TICAM1: variants seen among roughly 807,000 people sequenced by gnomAD.
The protein encoded by TICAM1 is TIR domain containing adaptor molecule 1, also known as TIR domain-containing adapter molecule 1.
For synonymous variants in TICAM1, 439 were observed against 415.4 expected (o/e 1.06, Z -0.69); for missense variants, 895 against 938.2 (o/e 0.95, Z 0.60).
At position 4,816,341 on chromosome 19, in the gene TICAM1, G is replaced by A; in HGVS notation, c.2037C>T (p.Leu679=). 1 of 1,583,000 alleles carries A rather than the reference G, an allele frequency of 6.3e-7. No individual in the cohort carries two copies. The highest frequency in any genetic ancestry group is 8.6e-7 in the Non-Finnish European group (1 of 1,165,952). Residue 679 remains leucine, a synonymous_variant, in exon 2 of 2, where the codon CTC becomes CTT. Coordinates refer to ENST00000248244, the MANE Select transcript of TICAM1 (RefSeq NM_182919.4). This position sits in a 1 kb window ranked among gnomAD's most constrained non-coding sequence, Gnocchi z 4.3. ...GTACCATCTGTGCGTGGTGGATAAT[G>A]AGGGGTTGCAGCCCTGGGCTCTGAG... ...APPQSPGLQP[L]IIHHAQMVQL... is the part of the protein sequence containing the mutation.
chr19:4,818,046 G>C lies in TICAM1; in HGVS notation c.332C>G (p.Ala111Gly), dbSNP rs771204742. 6.2e-7 allele frequency: 1 copy of C among 1,608,584 alleles called. No individual in the cohort carries two copies. Among genetic ancestry groups the C allele is most frequent in the Non-Finnish European group, 8.5e-7 (1 of 1,179,910 alleles). Residue 111 changes from alanine to glycine, a missense_variant, in exon 2 of 2, where the codon GCC becomes GGC. By Grantham distance (60) the Ala-to-Gly change is moderately conservative. Coordinates refer to ENST00000248244, the MANE Select transcript of TICAM1 (RefSeq NM_182919.4). The surrounding 1 kb of genome is among the most constrained non-coding windows in gnomAD (Gnocchi z 4.0). ...CTGGTAGGCCACGTCCCGCAGCGAG[G>C]CGGGGCACAGCTTCTCCTCAGCCAG... ...HLLAEEKLCP[A>G]SLRDVAYQEA...
At position 4,817,023 on chromosome 19, in the gene TICAM1, A is replaced by T. The variant is rs770034965; in HGVS notation, c.1355T>A (p.Ile452Asn). 1.2e-6 allele frequency: 2 copies of T among 1,614,012 alleles called. No homozygotes were observed. The highest frequency in any genetic ancestry group is 8.5e-7 in the Non-Finnish European group (1 of 1,180,028). The change falls in exon 2 of 2, where the codon ATC becomes AAC. Residue 452 changes from isoleucine to asparagine, a missense_variant. Coordinates refer to ENST00000248244, the MANE Select transcript of TICAM1 (RefSeq NM_182919.4). This position sits in a 1 kb window ranked among gnomAD's most constrained non-coding sequence, Gnocchi z 4.7. ...LQDAIDHSAF[I>N]ILLLTSNFDC... ...GAAGTTGGAGGTGAGAAGTAGGATG[A>T]TGAAAGCTGAGTGGTCTATGGCGTC... is the stretch of plus-strand genomic sequence containing the variant.
intron 1 of TICAM1, among the ~76,000 whole-genome samples, chr19:4,825,012 G>A (rs1285568730): frequency 6.6e-6 from 1 of 152,068 alleles, no homozygotes; most frequent in East Asian, 1.9e-4. Flanking sequence ...GGGAGCGGTG[G>A]CTCACGCCTG....
chr19:4,817,113 G>A lies in TICAM1; in HGVS notation c.1265C>T (p.Pro422Leu), dbSNP rs1287588056. The A allele has an allele frequency of 6.2e-7, 1 of 1,614,000 alleles. No homozygotes were observed. Among genetic ancestry groups the A allele is most frequent in the African/African-American group, 1.3e-5 (1 of 74,930 alleles). Residue 422 changes from proline to leucine, a missense_variant, in exon 2 of 2, where the codon CCC (proline) becomes CTC (leucine). Pro to Leu is a moderately conservative substitution (Grantham distance 98). Coordinates refer to ENST00000248244, the MANE Select transcript of TICAM1 (RefSeq NM_182919.4). This position sits in a 1 kb window ranked among gnomAD's most constrained non-coding sequence, Gnocchi z 4.7. ...VREKLEALGV[P>L]DGATFCEDFQ... The stretch of plus-strand genomic sequence containing the variant: ...ATCCTCGCAGAAGGTGGCCCCGTCG[G>A]GCACGCCAAGGGCCTCCAGCTTCTC...
chr19:4,828,728 G>A (rs1308469180), intron 1 of TICAM1, among the ~76,000 whole-genome samples: 2 of 128,488 alleles, frequency 1.6e-5, no homozygotes, highest in African/African-American at 3.0e-5. Flanking sequence ...TTCTGAGACC[G>A]AATCTCCCTC....
In TICAM1 at chr19:4,817,391, T is replaced by C. The variant is rs758372052; in HGVS notation, c.987A>G (p.Lys329=). The C allele has an allele frequency of 8.7e-6, 14 of 1,613,842 alleles. No individual in the cohort carries two copies. The highest frequency in any genetic ancestry group is 1.3e-5 in the African/African-American group (1 of 74,898). The change falls in exon 2 of 2, where the codon AAA becomes AAG. Residue 329 remains lysine, a synonymous_variant. Coordinates refer to ENST00000248244, the MANE Select transcript of TICAM1 (RefSeq NM_182919.4). The surrounding 1 kb of genome is among the most constrained non-coding windows in gnomAD (Gnocchi z 4.7). ...CAGAAAGTTGGAGTGGCGTCTGGTC[T>C]TTGACAGAGCAGGGGTTTTTGACCG... is the stretch of plus-strand genomic sequence containing the variant. ...LEPVKNPCSV[K]DQTPLQLSVE...
rs143873813 is a variant in TICAM1, at chr19:4,817,093, C to A, written c.1285G>T (p.Glu429Ter). 2 of 1,614,044 alleles carry A rather than the reference C, an allele frequency of 1.2e-6. No homozygotes were observed. The highest frequency in any genetic ancestry group is 2.7e-5 in the African/African-American group (2 of 74,946). ...CCGCGCCCCGGCACCTGGAAATCCTCGCAGAAGGTGGCCCCGTCGGGCACG... is the reference window on the plus strand; with the variant it reads ...CCGCGCCCCGGCACCTGGAAATCCTAGCAGAAGGTGGCCCCGTCGGGCACG... ...LGVPDGATFC[E>*]DFQVPGRGEL... Residue 429 changes from glutamate (E) to a stop codon, truncating the protein, a stop_gained, in exon 2 of 2, where the codon GAG becomes TAG. Transcript: ENST00000248244. LOFTEE classifies it low-confidence loss of function (END_TRUNC). The surrounding 1 kb of genome is among the most constrained non-coding windows in gnomAD (Gnocchi z 4.7).
At chr19:4,827,513 C>T (rs2093607593) in intron 1 of TICAM1, among the ~76,000 whole-genome samples, 1 of 144,896 alleles carries the variant, frequency 6.9e-6, no homozygotes, top group Non-Finnish European at 1.5e-5. Flanking sequence ...CCCAGCAGCA[C>T]TTTGGGAGGC....
At chr19:4,825,626 G>A (rs896395122) in intron 1 of TICAM1, among the ~76,000 whole-genome samples, 7 of 151,806 alleles carry the variant, frequency 4.6e-5, no homozygotes, top group East Asian at 2.0e-4. Flanking sequence ...CCAAGAGTTC[G>A]AGACCAGCCT....
chr19:4,816,229 G>A lies in TICAM1; in HGVS notation c.*10C>T, dbSNP rs1046673. 0.15 allele frequency: 228,286 copies of A among 1,502,008 alleles called. 18,610 individuals are homozygous for A. The highest frequency in any genetic ancestry group is 0.29 in the African/African-American group (20,782 of 71,488). 93.0% of individuals were successfully genotyped at this position (1,502,008 alleles called of 1,614,324 possible). Reference sequence around the variant, plus strand: ...GGGTGTTCCCCAGGTGGTCAGGCAAGGACACGCGGTCATTCTGCCTCCTGC... The same window carrying A: ...GGGTGTTCCCCAGGTGGTCAGGCAAAGACACGCGGTCATTCTGCCTCCTGC... On this transcript the variant is annotated 3_prime_UTR_variant, in exon 2 of 2. Transcript: ENST00000248244. This position sits in a 1 kb window ranked among gnomAD's most constrained non-coding sequence, Gnocchi z 4.3.
chr19:4,817,731 G>A lies in TICAM1; in HGVS notation c.647C>T (p.Pro216Leu), dbSNP rs2093589577. 2 of 1,601,462 alleles carry A rather than the reference G, an allele frequency of 1.2e-6. No homozygotes were observed. The highest frequency in any genetic ancestry group is 4.5e-5 in the East Asian group (2 of 44,826). The change falls in exon 2 of 2, where the codon CCC becomes CTC. Residue 216 changes from proline (P) to leucine (L), a missense_variant. Pro to Leu is a moderately conservative substitution (Grantham distance 98). Coordinates refer to ENST00000248244, the MANE Select transcript of TICAM1 (RefSeq NM_182919.4). This position sits in a 1 kb window ranked among gnomAD's most constrained non-coding sequence, Gnocchi z 4.7. ...NLEISQSPTM[P>L]FLSLHRSPHG... ...TGGGCTGCGGTGCAGGCTGAGGAAG[G>A]GCATGGTAGGGGACTGGCTGATTTC...
chr19:4,822,485 C>T (rs935728011), intron 1 of TICAM1, among the ~76,000 whole-genome samples: 7 of 152,260 alleles, frequency 4.6e-5, no homozygotes, highest in African/African-American at 1.4e-4. Context: ...TTGTGTGATC[C>T]GCCCACCTTG....
In TICAM1 at chr19:4,817,140, C is replaced by T. The variant is rs372838204; in HGVS notation, c.1238G>A (p.Arg413Gln). Residue 413 changes from arginine to glutamine, a missense_variant, in exon 2 of 2, where the codon CGG (arginine) becomes CAG (glutamine). Arg to Gln is a conservative substitution (Grantham distance 43). Coordinates refer to ENST00000248244, the MANE Select transcript of TICAM1 (RefSeq NM_182919.4). The surrounding 1 kb of genome is among the most constrained non-coding windows in gnomAD (Gnocchi z 4.7). Reference protein sequence around the residue: ...RADEHIALRVREKLEALGVPD... With the variant: ...RADEHIALRVQEKLEALGVPD... ...CACGCCAAGGGCCTCCAGCTTCTCC[C>T]GAACCCGCAGGGCGATGTGTTCGTC... 1.2e-5 allele frequency: 20 copies of T among 1,613,956 alleles called. No homozygotes were observed. In the Admixed American group the frequency reaches 2.3e-4, roughly 19 times the overall value.
chr19:4,823,284 G>A (rs1378246212), intron 1 of TICAM1, among the ~76,000 whole-genome samples: 1 of 152,078 alleles, frequency 6.6e-6, no homozygotes, highest in African/African-American at 2.4e-5. Context: ...GGCTAACATG[G>A]CGAAACTCCA....
chr19:4,817,968 T>C lies in TICAM1; in HGVS notation c.410A>G (p.Gln137Arg), dbSNP rs751804319. 7 of 1,613,478 alleles carry C rather than the reference T, an allele frequency of 4.3e-6. No homozygotes were observed. The highest frequency in any genetic ancestry group is 5.1e-6 in the Non-Finnish European group (6 of 1,179,890). Residue 137 changes from glutamine (Q) to arginine (R), a missense_variant, in exon 2 of 2, where the codon CAG (glutamine) becomes CGG (arginine). Physicochemically the swap from Gln to Arg is conservative, Grantham distance 43. Coordinates refer to ENST00000248244, the MANE Select transcript of TICAM1 (RefSeq NM_182919.4). The surrounding 1 kb of genome is among the most constrained non-coding windows in gnomAD (Gnocchi z 4.7). ...SRDDHRLGELQDEARNRCGWD... is the reference protein window; with the variant it reads ...SRDDHRLGELRDEARNRCGWD... ...CCCACACCGGTTTCGGGCCTCATCC[T>C]GAAGTTCCCCCAGCCGGTGGTCGTC...
In TICAM1 at chr19:4,831,694, G is replaced by C. The variant is rs1052016837; in HGVS notation, c.-220C>G. 17 of 152,394 alleles carry C rather than the reference G, an allele frequency of 1.1e-4. No homozygotes were observed. The highest frequency in any genetic ancestry group is 2.1e-4 in the South Asian group (1 of 4,836). The allele number at this position is 152,394 out of a possible 1,614,324, so 9.4% of individuals were successfully genotyped here. A position where few individuals can be genotyped will look rare whatever the true frequency, so the allele number is the denominator to read the frequency against. On this transcript the variant is annotated 5_prime_UTR_variant, in exon 1 of 2. Transcript: ENST00000248244. ...GCTTCTGCGGAGTTGCCCGCGGACC[G>C]TAGCGCGCTGAGGGCGCTGGCTCCA...
chr19:4,825,675 A>C (rs2093604400), intron 1 of TICAM1, among the ~76,000 whole-genome samples: 1 of 150,414 alleles, frequency 6.6e-6, no homozygotes, highest in African/African-American at 2.4e-5. Flanking sequence ...AAATAAAAAT[A>C]GGCCGGGTGT....
Position 4,820,690 on chromosome 19 carries a change from C to T in TICAM1, c.-139-2174G>A, listed in dbSNP as rs578210098. Among the ~76,000 whole-genome samples the T allele has an allele frequency of 1.1e-4, 17 of 151,350 alleles. No homozygotes were observed. In the East Asian group the frequency reaches 3.3e-3, roughly 29 times the overall value. ...CCAGCCTGGCCAACATGGTGAAACC[C>T]TGTCTCTACTAAAAGAAAAATAAAA... On this transcript the variant is annotated intron_variant, in intron 1 of 1. Coordinates refer to ENST00000248244, the MANE Select transcript of TICAM1 (RefSeq NM_182919.4).
In TICAM1 at chr19:4,817,285, G is replaced by C. The variant is rs1360931234; in HGVS notation, c.1093C>G (p.Pro365Ala). 2 of 1,613,084 alleles carry C rather than the reference G, an allele frequency of 1.2e-6. No homozygotes were observed. The highest frequency in any genetic ancestry group is 1.7e-6 in the Non-Finnish European group (2 of 1,179,468). The part of the protein sequence containing the change: ...TPETSPPPPP[P>A]PPSSTPCSAH... ...GAACAAGGAGTAGATGAAGGAGGAG[G>C]AGGAGGAGGAGGAGGGGATGTTTCT... The change falls in exon 2 of 2, where the codon CCT becomes GCT. Residue 365 changes from proline to alanine, a missense_variant. By Grantham distance (27) the Pro-to-Ala change is conservative. Coordinates refer to ENST00000248244, the MANE Select transcript of TICAM1 (RefSeq NM_182919.4). The surrounding 1 kb of genome is among the most constrained non-coding windows in gnomAD (Gnocchi z 4.7).
Sources: allele counts gnomAD v4.1 joint callset (sites outside exome capture counted in the v4.1 genomes callset), GRCh38; gene constraint gnomAD v4.1.1; non-coding constraint Gnocchi (gnomAD v3.1); transcripts MANE v1.5; gene names NCBI Gene and HGNC (gene_info 2026-07-23, HGNC 2026-07-21).